The following ARHGEF26 variants were observed in gnomAD, a reference collection of about 807,000 sequenced individuals.
ARHGEF26 encodes Rho guanine nucleotide exchange factor (GEF) 26.
A neutral mutation model predicts 89.4 loss-of-function variants in ARHGEF26; 59 were observed. That is an observed-to-expected ratio of 0.66 (90% CI 0.54 to 0.82). ARHGEF26 has a LOEUF of 0.82. Ranked by LOEUF, ARHGEF26 falls within the 40% of genes least tolerant of loss-of-function variation. ARHGEF26 has a pLI of 0.00. For synonymous variants in ARHGEF26, 500 were observed against 428.4 expected (o/e 1.17, Z -2.06); for missense variants, 1,234 against 1,085.6 (o/e 1.14, Z -1.92).
intron 10 of ARHGEF26, among the ~76,000 whole-genome samples, chr3:154,218,464 TG>T (rs1715916622): frequency 6.6e-6 from 1 of 152,224 alleles, no homozygotes; most frequent in African/African-American, 2.4e-5. Context: ...TGTCTGATAC[TG>T]CTCTTGAGCA....
chr3:154,197,939 A>T (rs998745106), intron 9 of ARHGEF26, among the ~76,000 whole-genome samples: 1 of 152,138 alleles, frequency 6.6e-6, no homozygotes, highest in Non-Finnish European at 1.5e-5. Flanking sequence ...TTACTCTCCC[A>T]TGGAAAGAGA....
intron 2 of ARHGEF26, 123 bp from the exon 3 acceptor site, chr3:154,124,287 A>G: frequency 1.5e-6 from 1 of 682,118 alleles, no homozygotes; most frequent in Non-Finnish European, 2.4e-6. Flanking sequence ...TTGGAAATCT[A>G]ATTAATGTAA....
At chr3:154,232,324 TG>T (rs1274518767) in intron 11 of ARHGEF26, among the ~76,000 whole-genome samples, 1 of 152,174 alleles carries the variant, frequency 6.6e-6, no homozygotes, top group Non-Finnish European at 1.5e-5. Context: ...TACTGATGAA[TG>T]GGGATCCTCA....
chr3:154,217,844 C>A, intron 9 of ARHGEF26, 25 bp from the exon 10 acceptor site: 1 of 1,562,874 alleles, frequency 6.4e-7, no homozygotes, highest in Non-Finnish European at 8.7e-7. Context: ...GACCTTTAAC[C>A]CTCGTTACTC....
chr3:154,175,434 A>G (rs957632447), intron 6 of ARHGEF26, among the ~76,000 whole-genome samples: 6 of 99,758 alleles, frequency 6.0e-5, no homozygotes, highest in African/African-American at 1.9e-4. Context: ...AGCTAGTGTT[A>G]AAAAAAAAAG....
intron 4 of ARHGEF26, among the ~76,000 whole-genome samples, chr3:154,148,249 A>C (rs1243309552): frequency 6.6e-6 from 1 of 152,182 alleles, no homozygotes; most frequent in Non-Finnish European, 1.5e-5. Context: ...GTGACACTTC[A>C]GTTTTCTCAA....
chr3:154,219,038 A>G (rs1175555788), intron 10 of ARHGEF26, among the ~76,000 whole-genome samples: 3 of 152,216 alleles, frequency 2.0e-5, no homozygotes, highest in Non-Finnish European at 4.4e-5. Context: ...AAAACCAGAC[A>G]CACATGCACA....
chr3:154,204,097 G>T (rs1224196499), intron 9 of ARHGEF26, among the ~76,000 whole-genome samples: 1 of 151,972 alleles, frequency 6.6e-6, no homozygotes, highest in African/African-American at 2.4e-5. Flanking sequence ...ATGTTTAGTA[G>T]AATTCAGCAG....
chr3:154,169,752 TGA>T (rs1247365060), intron 6 of ARHGEF26, among the ~76,000 whole-genome samples: 1 of 152,168 alleles, frequency 6.6e-6, no homozygotes, highest in Admixed American at 6.5e-5. Flanking sequence ...TCATTGTTAG[TGA>T]ATCAACACTG....
At chr3:154,155,235 C>T (rs1207449558) in intron 6 of ARHGEF26, among the ~76,000 whole-genome samples, 1 of 151,958 alleles carries the variant, frequency 6.6e-6, no homozygotes, top group Non-Finnish European at 1.5e-5. Context: ...TAAAATATTA[C>T]TAAACTAATA....
At chr3:154,227,213 A>G (rs1716544534) in intron 11 of ARHGEF26, among the ~76,000 whole-genome samples, 1 of 152,220 alleles carries the variant, frequency 6.6e-6, no homozygotes, top group East Asian at 1.9e-4. Flanking sequence ...TACTTAGGAA[A>G]ATTCTATTTC....
At chr3:154,185,939 A>G (rs754880479) in intron 6 of ARHGEF26, among the ~76,000 whole-genome samples, 1 of 152,156 alleles carries the variant, frequency 6.6e-6, no homozygotes, top group Non-Finnish European at 1.5e-5. Flanking sequence ...AATACTTATT[A>G]TTACCACACC....
intron 3 of ARHGEF26, among the ~76,000 whole-genome samples, chr3:154,124,735 G>C (rs544144269): frequency 1.3e-5 from 2 of 152,082 alleles, no homozygotes; most frequent in Admixed American, 6.6e-5. Context: ...CTCAGGAAGG[G>C]TAAGAGCAAG....
At chr3:154,150,545 G>A (rs1201484023) in intron 5 of ARHGEF26, among the ~76,000 whole-genome samples, 1 of 152,130 alleles carries the variant, frequency 6.6e-6, no homozygotes. Flanking sequence ...GATTATTCAT[G>A]TTAATGCATA....
In ARHGEF26 at chr3:154,226,697, C is replaced by CACACACACACACA. The variant is rs1559912631; in HGVS notation, c.2090+687_2090+688insACACACACACACA. On this transcript the variant is annotated intron_variant, in intron 11 of 14. Transcript: ENST00000465093. ...CACACACACACACACACACACACAC[C>CACACACACACACA]CCTTCAGCTCTGCCTTTCTCTAGGG... Among the ~76,000 whole-genome samples the CACACACACACACA allele has an allele frequency of 4.2e-3, 498 of 119,808 alleles. 3 individuals are homozygous for CACACACACACACA. Among genetic ancestry groups the CACACACACACACA allele is most frequent in the African/African-American group, 0.013 (470 of 36,558 alleles). 78.6% of individuals were successfully genotyped at this position (119,808 alleles called of 152,430 possible).
intron 6 of ARHGEF26, among the ~76,000 whole-genome samples, chr3:154,176,874 G>A (rs1228543722): frequency 6.6e-6 from 1 of 152,072 alleles, no homozygotes; most frequent in African/African-American, 2.4e-5. Context: ...GAACTCCTGG[G>A]CTTAAACAAT....
intron 4 of ARHGEF26, among the ~76,000 whole-genome samples, chr3:154,133,287 C>G (rs1470243813): frequency 6.6e-6 from 1 of 151,938 alleles, no homozygotes; most frequent in Non-Finnish European, 1.5e-5. Flanking sequence ...AGGTGGTTCC[C>G]CATTTATGGT....
chr3:154,167,684 G>A (rs1712132161), intron 6 of ARHGEF26, among the ~76,000 whole-genome samples: 1 of 152,102 alleles, frequency 6.6e-6, no homozygotes, highest in Admixed American at 6.6e-5. Context: ...AACAGAGCCT[G>A]GATTATGTCA....
chr3:154,121,225 A>G (rs1717868231), upstream of ARHGEF26: 1 of 152,266 alleles, frequency 6.6e-6, no homozygotes, highest in Admixed American at 6.5e-5. Context: ...GGAGCTCAGA[A>G]CCCAGCTCAG....
Sources: allele counts gnomAD v4.1 joint callset (sites outside exome capture counted in the v4.1 genomes callset), GRCh38; gene constraint gnomAD v4.1.1; transcripts MANE v1.5; gene names NCBI Gene and HGNC (gene_info 2026-07-23, HGNC 2026-07-21).